Variants in RASA2 observed in about 807,000 individuals in gnomAD.
The protein encoded by RASA2 is ras GTPase-activating protein 2.
In RASA2, 155 loss-of-function variants were observed where a neutral mutation model predicts 118.2. The observed-to-expected ratio is 1.31, with a 90% CI of 1.15 to 1.50. The LOEUF is 1.50. Ranked by LOEUF, RASA2 falls within the 40% of genes most tolerant of loss-of-function variation. The pLI is 0.00. For missense variants in RASA2, 1,016 were observed against 1,009.6 expected (o/e 1.01, Z -0.09); for synonymous variants, 353 against 349.1 (o/e 1.01, Z -0.12).
At chr3:141,552,095 A>G (rs1283581664) in intron 5 of RASA2, among the ~76,000 whole-genome samples, 6 of 152,232 alleles carry the variant, frequency 3.9e-5, no homozygotes, top group Admixed American at 6.5e-5. Flanking sequence ...TTAAAAATTA[A>G]GAGTACTGAT....
intron 19 of RASA2, among the ~76,000 whole-genome samples, chr3:141,600,759 T>C (rs567055034): frequency 1.3e-5 from 2 of 152,130 alleles, no homozygotes; most frequent in South Asian, 4.2e-4. Context: ...TTTAACACAA[T>C]CCCACTCCAA....
chr3:141,503,720 G>T (rs2081820120), intron 1 of RASA2, among the ~76,000 whole-genome samples: 2 of 152,128 alleles, frequency 1.3e-5, no homozygotes, highest in Non-Finnish European at 1.5e-5. Flanking sequence ...CTCTCCATGT[G>T]TGTTAGCCTA....
chr3:141,562,638 AAAC>A (rs778995635), intron 9 of RASA2, among the ~76,000 whole-genome samples: 4 of 147,026 alleles, frequency 2.7e-5, no homozygotes, highest in Non-Finnish European at 4.5e-5. Flanking sequence ...AGAAAACAAA[AAAC>A]AACAACAACA....
At chr3:141,495,209 T>A (rs1221634184) in intron 1 of RASA2, among the ~76,000 whole-genome samples, 1 of 152,216 alleles carries the variant, frequency 6.6e-6, no homozygotes, top group Non-Finnish European at 1.5e-5. Flanking sequence ...TTATCCCCAT[T>A]TTACACATTA....
chr3:141,597,058 GC>G (rs956673645), intron 19 of RASA2, among the ~76,000 whole-genome samples: 8 of 152,294 alleles, frequency 5.3e-5, no homozygotes, highest in Admixed American at 1.3e-4. Flanking sequence ...ATGTCTATCA[GC>G]TGGTGAATGG....
At chr3:141,588,870 C>A (rs2107779520) in intron 19 of RASA2, among the ~76,000 whole-genome samples, 1 of 149,494 alleles carries the variant, frequency 6.7e-6, no homozygotes, top group East Asian at 2.0e-4. Flanking sequence ...GAGATGGATT[C>A]TCACTCTGTC....
chr3:141,496,138 C>T (rs926930387), intron 1 of RASA2, among the ~76,000 whole-genome samples: 20 of 152,122 alleles, frequency 1.3e-4, no homozygotes, highest in Admixed American at 1.3e-3. Flanking sequence ...AAACTGGAAC[C>T]CTTCCTTACA....
intron 19 of RASA2, among the ~76,000 whole-genome samples, chr3:141,601,390 G>A (rs1484334669): frequency 2.0e-5 from 3 of 151,864 alleles, no homozygotes; most frequent in African/African-American, 7.3e-5. Context: ...AGCCGAGATG[G>A]CATCACTGCG....
chr3:141,571,220 C>T lies in RASA2; in HGVS notation c.1020+152C>T, dbSNP rs1221862951. 4.2e-6 allele frequency: 5 copies of T among 1,200,358 alleles called. No individual in the cohort carries two copies. The East Asian group carries it at 1.3e-4, about 30-fold the overall frequency. 74.4% of individuals were successfully genotyped at this position (1,200,358 alleles called of 1,614,324 possible). A position where few individuals can be genotyped will look rare whatever the true frequency, so the allele number is the denominator to read the frequency against. ...TATACACACACACATTTCTATTTAT[C>T]TGAACCAGAGTACTATGATTCCTAC... On this transcript the variant is annotated intron_variant, in intron 10 of 23. Coordinates refer to ENST00000286364, the MANE Select transcript of RASA2 (RefSeq NM_006506.5).
intron 1 of RASA2, among the ~76,000 whole-genome samples, chr3:141,497,251 A>G (rs1408660138): frequency 4.6e-5 from 7 of 151,782 alleles, no homozygotes; most frequent in South Asian, 4.2e-4. Context: ...CAGCACACCA[A>G]TATGGCACAT....
In RASA2 at chr3:141,571,398, G is replaced by A. The variant is rs765908823; in HGVS notation, c.1021-8G>A. On this transcript the variant is annotated splice_polypyrimidine_tract_variant and splice_region_variant and intron_variant, in intron 10 of 23. Transcript: ENST00000286364. ...GTTTGTGCTTGTTTTCTACCTTTCTGTATTTAGCCAATATCTGCCTCAGCT... is the reference window on the plus strand; with the variant it reads ...GTTTGTGCTTGTTTTCTACCTTTCTATATTTAGCCAATATCTGCCTCAGCT... 1.2e-6 allele frequency: 2 copies of A among 1,609,998 alleles called. No individual in the cohort carries two copies. Among genetic ancestry groups the A allele is most frequent in the South Asian group, 1.1e-5 (1 of 90,126 alleles).
Position 141,580,095 on chromosome 3 carries a change from T to A in RASA2, c.1591-273T>A, listed in dbSNP as rs1346837230. Among the ~76,000 whole-genome samples the A allele has an allele frequency of 3.7e-3, 441 of 120,594 alleles. 5 individuals are homozygous for A. Among genetic ancestry groups the A allele is most frequent in the African/African-American group, 0.012 (372 of 30,754 alleles). The allele number at this position is 120,594 out of a possible 152,430, so 79.1% of individuals were successfully genotyped here. A position where few individuals can be genotyped will look rare whatever the true frequency, so the allele number is the denominator to read the frequency against. On this transcript the variant is annotated intron_variant, in intron 15 of 23. Transcript: ENST00000286364. ...AAAAAAAAAAAAAAAAATATATATA[T>A]ATATATATATATATATATATATGAC... is the stretch of plus-strand genomic sequence containing the variant.
At chr3:141,532,871 G>A (rs1240613179) in intron 4 of RASA2, among the ~76,000 whole-genome samples, 1 of 152,036 alleles carries the variant, frequency 6.6e-6, no homozygotes, top group Admixed American at 6.6e-5. Flanking sequence ...TGTGCTTATT[G>A]AGCATAAGTT....
At chr3:141,544,507 A>G (rs1307340240) in intron 5 of RASA2, among the ~76,000 whole-genome samples, 1 of 152,060 alleles carries the variant, frequency 6.6e-6, no homozygotes, top group Non-Finnish European at 1.5e-5. Context: ...TATGTCTTCA[A>G]GTTCACTGAT....
chr3:141,554,047 C>A, intron 6 of RASA2, 107 bp downstream of exon 6: 1 of 1,440,958 alleles, frequency 6.9e-7, no homozygotes, highest in Non-Finnish European at 9.1e-7. Flanking sequence ...TTATAACACA[C>A]AGTAATAAAT....
chr3:141,532,048 ATAATTACTATTAG>A (rs2082267935), intron 4 of RASA2, among the ~76,000 whole-genome samples: 1 of 152,124 alleles, frequency 6.6e-6, no homozygotes. Context: ...ACTCAGTCTG[ATAATTACTATTAG>A]TAATTATACC....
At position 141,519,778 on chromosome 3, in the gene RASA2, C is replaced by T. The variant is rs187567259; in HGVS notation, c.355+3347C>T. 5.3e-5 allele frequency among the ~76,000 whole-genome samples: 8 copies of T among 151,940 alleles called. No individual in the cohort carries two copies. The East Asian group carries it at 5.8e-4, about 11-fold the overall frequency. ...GTTTAACATTTACCAAACACTTCTC[C>T]GTGGCACACAAAGGTTGGGACTTTT... is the stretch of plus-strand genomic sequence containing the variant. On this transcript the variant is annotated intron_variant, in intron 3 of 23. Transcript: ENST00000286364.
At chr3:141,513,090 G>GAAA (rs1559998996) in intron 2 of RASA2, among the ~76,000 whole-genome samples, 1 of 147,922 alleles carries the variant, frequency 6.8e-6, no homozygotes, top group East Asian at 2.0e-4. Flanking sequence ...ACAAAAAAAC[G>GAAA]AAAAACAGGG....
intron 2 of RASA2, among the ~76,000 whole-genome samples, chr3:141,514,127 A>C (rs2081990558): frequency 6.6e-6 from 1 of 152,198 alleles, no homozygotes; most frequent in Non-Finnish European, 1.5e-5. Context: ...CAAGAAAATT[A>C]AATGGCAAGC....
Sources: allele counts gnomAD v4.1 joint callset (sites outside exome capture counted in the v4.1 genomes callset), GRCh38; gene constraint gnomAD v4.1.1; transcripts MANE v1.5; gene names NCBI Gene and HGNC (gene_info 2026-07-23, HGNC 2026-07-21).